The following SH3KBP1 variants were observed in gnomAD, a reference collection of about 807,000 sequenced individuals.
The protein encoded by SH3KBP1 is SH3 domain-containing kinase-binding protein 1.
SH3KBP1 carries 8 observed loss-of-function variants against 50.1 expected under a neutral mutation model. The observed-to-expected ratio is 0.16, with a 90% CI of 0.09 to 0.29. The LOEUF (loss-of-function observed/expected upper bound fraction) is 0.29, where lower values mean the gene tolerates loss of function less well. Among genes scored for constraint, SH3KBP1 ranks in the 10% least tolerant of loss-of-function variants. The pLI is 1.00. For synonymous variants in SH3KBP1, 227 were observed against 218.6 expected, an observed-to-expected ratio of 1.04 and a Z score of -0.34; for missense variants, 377 against 535.2, an observed-to-expected ratio of 0.70 and a Z score of 2.92.
chrX:19,692,586 TATATACACACACATATAC>T (rs1187407439), intron 5 of SH3KBP1, among the ~76,000 whole-genome samples: 10 of 107,685 alleles, frequency 9.3e-5, no homozygotes, highest in Non-Finnish European at 1.5e-4. Context: ...CACACACATA[TATATACACACACATATAC>T]ATATACACAT....
At chrX:19,593,445 G>A (rs1022043851) in intron 10 of SH3KBP1, among the ~76,000 whole-genome samples, 2 of 110,481 alleles carry the variant, frequency 1.8e-5, no homozygotes, top group African/African-American at 3.3e-5. Flanking sequence ...ATAATCAAAC[G>A]CAAGGAAAGT....
intron 13 of SH3KBP1, among the ~76,000 whole-genome samples, chrX:19,562,066 A>T (rs73631354): frequency 0.02 from 2,269 of 111,412 alleles, 60 homozygotes; most frequent in African/African-American, 0.07. Context: ...TCTTGCAATG[A>T]ATCAAACTTT....
chrX:19,540,222 G>A (rs1159730277), intron 16 of SH3KBP1, among the ~76,000 whole-genome samples: 1 of 110,870 alleles, frequency 9.0e-6, no homozygotes. Context: ...TAGCCTGGCT[G>A]GCCCCAGGAT....
chrX:19,832,627 T>C (rs1030459428), intron 2 of SH3KBP1, among the ~76,000 whole-genome samples: 1 of 108,360 alleles, frequency 9.2e-6, no homozygotes, highest in African/African-American at 3.4e-5. Flanking sequence ...GAGCAGGGAG[T>C]TGGTGGGATA....
At chrX:19,547,140 G>GT (rs769141157) in intron 14 of SH3KBP1, among the ~76,000 whole-genome samples, 11 of 97,725 alleles carry the variant, frequency 1.1e-4, no homozygotes, top group Non-Finnish European at 2.2e-4. Flanking sequence ...GGACAAAAGA[G>GT]TGGGACCCTG....
intron 16 of SH3KBP1, among the ~76,000 whole-genome samples, chrX:19,540,996 C>T (rs113719305): frequency 1.7e-3 from 188 of 110,594 alleles, no homozygotes; most frequent in African/African-American, 6.1e-3. Context: ...CTCACTGCAA[C>T]CTCCTCCTCC....
rs778888617 is a variant in SH3KBP1, at chrX:19,564,575, C to G, written c.1384+4528G>C. 3.6e-5 allele frequency among the ~76,000 whole-genome samples: 4 copies of G among 110,254 alleles called. No homozygotes were observed. The East Asian group carries it at 1.1e-3, about 32-fold the overall frequency. On this transcript the variant is annotated intron_variant, in intron 13 of 17. Coordinates refer to ENST00000397821, the MANE Select transcript of SH3KBP1 (RefSeq NM_031892.3). ...TCTCGCCTCTCTCTCTCTCTCCCCC[C>G]CCTTCCTCTTTCTCTCTCACAAAGG...
chrX:19,757,512 C>A (rs916858764), intron 2 of SH3KBP1, among the ~76,000 whole-genome samples: 2 of 106,671 alleles, frequency 1.9e-5, no homozygotes, highest in Admixed American at 2.0e-4. Context: ...TGTAAAAACA[C>A]AGATTCCCTG....
chrX:19,743,324 C>A (rs1204682870), intron 3 of SH3KBP1, among the ~76,000 whole-genome samples: 1 of 110,330 alleles, frequency 9.1e-6, no homozygotes, highest in Non-Finnish European at 1.9e-5. Context: ...GGGAGGATCA[C>A]CTGAGCCTGG....
At chrX:19,759,036 T>G (rs1346306855) in intron 2 of SH3KBP1, among the ~76,000 whole-genome samples, 1 of 112,313 alleles carries the variant, frequency 8.9e-6, no homozygotes, top group Non-Finnish European at 1.9e-5. Context: ...AGAAACAGAA[T>G]TGCATCTTCA....
chrX:19,851,360 AC>A (rs1343643662), intron 1 of SH3KBP1, among the ~76,000 whole-genome samples: 1 of 112,363 alleles, frequency 8.9e-6, no homozygotes, highest in Non-Finnish European at 1.9e-5. Context: ...CAGATGTTTC[AC>A]CAGCCCCTGT....
chrX:19,683,604 G>A (rs775237660), intron 6 of SH3KBP1, among the ~76,000 whole-genome samples: 1 of 111,188 alleles, frequency 9.0e-6, no homozygotes, highest in South Asian at 3.8e-4. Context: ...TCCCTAGAGA[G>A]ATCAGCAAGA....
intron 2 of SH3KBP1, among the ~76,000 whole-genome samples, chrX:19,775,706 G>A (rs1430660202): frequency 9.0e-6 from 1 of 111,468 alleles, no homozygotes; most frequent in Non-Finnish European, 1.9e-5. Flanking sequence ...CCGCTCCTCT[G>A]CTCTGTGTCT....
intron 12 of SH3KBP1, among the ~76,000 whole-genome samples, chrX:19,572,323 TAC>T (rs1430461064): frequency 3.8e-5 from 4 of 105,753 alleles, no homozygotes; most frequent in Non-Finnish European, 5.8e-5. Flanking sequence ...TGTTATATAG[TAC>T]ATATATATGT....
rs1387467281 is a variant in SH3KBP1 at position 19,811,670 on chromosome X, C to T, written c.162+24455G>A. Reference sequence around the variant, plus strand: ...CTTTTTCTTCCATGATACGCAAAAACAGTCCCTCTTTGGTTTTGACTTGGC... The same window carrying T: ...CTTTTTCTTCCATGATACGCAAAAATAGTCCCTCTTTGGTTTTGACTTGGC... On this transcript the variant is annotated intron_variant, in intron 2 of 17. Coordinates refer to ENST00000397821, the MANE Select transcript of SH3KBP1 (RefSeq NM_031892.3). Among the ~76,000 whole-genome samples the T allele has an allele frequency of 2.8e-4, 31 of 112,011 alleles. No homozygotes were observed. In the Admixed American group the frequency reaches 2.9e-3, roughly 11 times the overall value.
chrX:19,716,398 A>G (rs748728235), intron 3 of SH3KBP1, among the ~76,000 whole-genome samples: 1 of 112,255 alleles, frequency 8.9e-6, no homozygotes, highest in Non-Finnish European at 1.9e-5. Context: ...TGATTTTCAC[A>G]GGGATGTGTA....
At chrX:19,629,838 A>G (rs1428070344) in intron 8 of SH3KBP1, among the ~76,000 whole-genome samples, 1 of 112,616 alleles carries the variant, frequency 8.9e-6, no homozygotes, top group Non-Finnish European at 1.9e-5. Context: ...GCTTTCAAAT[A>G]CGTTAATCTA....
intron 8 of SH3KBP1, among the ~76,000 whole-genome samples, chrX:19,626,681 C>T (rs1362580895): frequency 9.0e-6 from 1 of 110,954 alleles, no homozygotes; most frequent in African/African-American, 3.3e-5. Context: ...AACCCTCCCG[C>T]CTCAGCCTCC....
intron 2 of SH3KBP1, among the ~76,000 whole-genome samples, chrX:19,758,327 CAAAA>C (rs60332447): frequency 1.6e-3 from 60 of 37,647 alleles, no homozygotes; most frequent in African/African-American, 3.2e-3. Flanking sequence ...GACTTCGTTT[CAAAA>C]AAAAAAAAAA....
Sources: allele counts gnomAD v4.1 joint callset (sites outside exome capture counted in the v4.1 genomes callset), GRCh38; gene constraint gnomAD v4.1.1; transcripts MANE v1.5; gene names NCBI Gene and HGNC (gene_info 2026-07-23, HGNC 2026-07-21).